DPPA2: variants seen among roughly 807,000 people sequenced by gnomAD.
The protein encoded by DPPA2 is developmental pluripotency-associated protein 2.
A neutral mutation model predicts 36.2 loss-of-function variants in DPPA2; 26 were observed. The observed-to-expected ratio is 0.72, with a 90% confidence interval of 0.53 to 1.00. DPPA2 has a LOEUF of 1.00. Among genes scored for constraint, DPPA2 ranks in the 50% least tolerant of loss-of-function variants. DPPA2 has a pLI of 0.00. For synonymous variants in DPPA2, 113 were observed against 123.2 expected, an observed-to-expected ratio of 0.92 and a Z score of 0.55; for missense variants, 361 against 365.1, an observed-to-expected ratio of 0.99 and a Z score of 0.09.
intron 2 of DPPA2, among the ~76,000 whole-genome samples, chr3:109,313,015 T>G (rs1449256560): frequency 2.6e-5 from 4 of 152,190 alleles, no homozygotes; most frequent in Non-Finnish European, 5.9e-5. Context: ...TTAAGTCTCC[T>G]AAATCTGTAT....
rs572228791 is a variant in DPPA2 at position 109,307,920 on chromosome 3, A to C, written c.658+112T>G. 19 of 1,352,016 alleles carry C rather than the reference A, an allele frequency of 1.4e-5. No homozygotes were observed. In the South Asian group the frequency reaches 2.6e-4, roughly 18 times the overall value. The allele number at this position is 1,352,016 out of a possible 1,614,324, so 83.8% of individuals were successfully genotyped here. On this transcript the variant is annotated intron_variant, in intron 6 of 8. Transcript: ENST00000478945. ...GATGTCCCATGTGAATCCAATTTCT[A>C]ATCTTCAGATATTTTAGCAAATGCC...
chr3:109,309,803 C>T (rs552550378), intron 3 of DPPA2, among the ~76,000 whole-genome samples: 19 of 152,036 alleles, frequency 1.2e-4, no homozygotes, highest in South Asian at 1.2e-3. Context: ...AGGCCGGGCA[C>T]GGTGGCTCAC....
chr3:109,301,305 CCT>C (rs760649361), intron 7 of DPPA2, among the ~76,000 whole-genome samples: 2 of 152,086 alleles, frequency 1.3e-5, no homozygotes, highest in East Asian at 3.9e-4. Flanking sequence ...TCTCCATTCC[CCT>C]CTCTTCATGC....
chr3:109,311,315 T>C (rs1280650988), intron 3 of DPPA2, among the ~76,000 whole-genome samples: 1 of 152,196 alleles, frequency 6.6e-6, no homozygotes, highest in East Asian at 1.9e-4. Context: ...ATGGTCCACA[T>C]CATTCTGTCA....
At chr3:109,301,404 C>A (rs1281985732) in intron 7 of DPPA2, among the ~76,000 whole-genome samples, 4 of 152,116 alleles carry the variant, frequency 2.6e-5, no homozygotes, top group Non-Finnish European at 5.9e-5. Flanking sequence ...GTAATCCTAG[C>A]ACTTTGGGAG....
chr3:109,312,440 A>G (rs576269995), intron 3 of DPPA2, 105 bp downstream of exon 3: 2 of 1,373,802 alleles, frequency 1.5e-6, no homozygotes, highest in African/African-American at 1.4e-5. Flanking sequence ...GGTGAGATTT[A>G]AGCTGGGTGT....
At chr3:109,310,865 G>A (rs2951409) in intron 3 of DPPA2, among the ~76,000 whole-genome samples, 3 of 151,370 alleles carry the variant, frequency 2.0e-5, no homozygotes, top group Non-Finnish European at 2.9e-5. Flanking sequence ...GCAGTGGTGC[G>A]ATCTCGGCTC....
chr3:109,299,454 T>C (rs1576815794), intron 8 of DPPA2, among the ~76,000 whole-genome samples: 1 of 150,604 alleles, frequency 6.6e-6, no homozygotes, highest in Admixed American at 6.6e-5. Flanking sequence ...GAGGCGGAGG[T>C]TGCAGTGAGC....
chr3:109,296,688 TAAA>T (rs35910479), intron 8 of DPPA2, among the ~76,000 whole-genome samples: 9 of 147,226 alleles, frequency 6.1e-5, no homozygotes, highest in African/African-American at 2.2e-4. Flanking sequence ...AAAAAAATAA[TAAA>T]AAAAAAAGGA....
chr3:109,306,162 T>C (rs78007235), intron 6 of DPPA2, among the ~76,000 whole-genome samples: 4,134 of 152,298 alleles, frequency 0.027, 81 homozygotes, highest in South Asian at 0.04. Context: ...TAGCACAGTA[T>C]ATACCCAGCA....
chr3:109,313,960 C>A (rs1268255268), intron 2 of DPPA2, among the ~76,000 whole-genome samples: 1 of 152,042 alleles, frequency 6.6e-6, no homozygotes, highest in Admixed American at 6.6e-5. Flanking sequence ...CACTATGACA[C>A]CTCCTCTAGT....
chr3:109,296,615 CAG>C (rs1707355681), intron 8 of DPPA2, among the ~76,000 whole-genome samples: 2 of 151,308 alleles, frequency 1.3e-5, no homozygotes, highest in Admixed American at 6.6e-5. Context: ...GTGGAGGTTG[CAG>C]AGAGCCAAGA....
intron 8 of DPPA2, among the ~76,000 whole-genome samples, chr3:109,299,678 C>A (rs1707423225): frequency 6.8e-6 from 1 of 147,252 alleles, no homozygotes. Context: ...AAGAATGAGA[C>A]CCCGTCTCAA....
In DPPA2 at chr3:109,309,014, C is replaced by T. The variant is rs887832090; in HGVS notation, c.396+12G>A. On this transcript the variant is annotated intron_variant, in intron 5 of 8. Transcript: ENST00000478945. ...AACCCACCTTCACACCATCAACACA[C>T]TCATTACTCACTTGCCGTTGTTCAG... is the stretch of plus-strand genomic sequence containing the variant. The T allele has an allele frequency of 6.2e-7, 1 of 1,614,180 alleles. No homozygotes were observed. The highest frequency in any genetic ancestry group is 8.5e-7 in the Non-Finnish European group (1 of 1,180,028).
chr3:109,312,823 CT>C, intron 2 of DPPA2, 131 bp from the exon 3 acceptor site: 1 of 1,172,510 alleles, frequency 8.5e-7, no homozygotes. Flanking sequence ...ACTGGGATTC[CT>C]AGAATGTGAT....
At chr3:109,303,187 C>T (rs1284216653) in intron 7 of DPPA2, among the ~76,000 whole-genome samples, 2 of 152,134 alleles carry the variant, frequency 1.3e-5, no homozygotes, top group African/African-American at 4.8e-5. Context: ...CCTTGGCCTC[C>T]CCAGGTGCTG....
intron 7 of DPPA2, 102 bp downstream of exon 7, chr3:109,304,373 A>G: frequency 2.4e-6 from 3 of 1,229,280 alleles, no homozygotes; most frequent in Non-Finnish European, 3.3e-6. Context: ...AATTAAGAAG[A>G]CAGCATGTTC....
intron 2 of DPPA2, among the ~76,000 whole-genome samples, 181 bp from the exon 3 acceptor site, chr3:109,312,873 G>GA (rs1461996741): frequency 3.3e-5 from 5 of 152,022 alleles, no homozygotes; most frequent in Non-Finnish European, 7.4e-5. Context: ...AGGAAACATG[G>GA]AAAAAAACGG....
Position 109,308,975 on chromosome 3 carries a change from C to T in DPPA2, c.396+51G>A, listed in dbSNP as rs769934263. ...ATATGGTGCGACGGTAGGGACCGGA[C>T]GAATCATGATCAGAACCCACCTTCA... On this transcript the variant is annotated intron_variant, in intron 5 of 8. Transcript: ENST00000478945. 1.6e-5 allele frequency: 25 copies of T among 1,609,852 alleles called. No individual in the cohort carries two copies. The Admixed American group carries it at 1.7e-4, about 11-fold the overall frequency.
Sources: gnomAD v4.1 joint callset for allele counts (sites outside exome capture counted in the v4.1 genomes callset) on GRCh38, gnomAD v4.1.1 for gene constraint, MANE v1.5 for transcripts, NCBI Gene and HGNC (gene_info 2026-07-23, HGNC 2026-07-21) for gene names.